SUGCT: variants seen among roughly 807,000 people sequenced by gnomAD.
SUGCT encodes the protein succinyl-CoA:glutarate-CoA transferase, also known as succinyl-CoA:glutarate CoA-transferase.
A neutral mutation model predicts 55.0 loss-of-function variants in SUGCT; 41 were observed. The observed-to-expected ratio is 0.74, with a 90% CI of 0.58 to 0.97. The LOEUF (loss-of-function observed/expected upper bound fraction) is 0.97, where lower values mean the gene tolerates loss of function less well. Ranked by LOEUF, SUGCT falls within the 50% of genes least tolerant of loss-of-function variation. The probability of loss-of-function intolerance (pLI) is 0.00; values close to 1 mark genes in which losing one functional copy is unlikely to be tolerated. For synonymous variants in SUGCT, 187 were observed against 200.4 expected, an observed-to-expected ratio of 0.93 and a Z score of 0.56; for missense variants, 568 against 547.8, an observed-to-expected ratio of 1.04 and a Z score of -0.37.
intron 13 of SUGCT, among the ~76,000 whole-genome samples, chr7:40,838,452 A>G (rs1793103136): frequency 6.6e-6 from 1 of 152,182 alleles, no homozygotes; most frequent in South Asian, 2.1e-4. Context: ...AGCATTTTGT[A>G]ATGTTCAGCA....
chr7:40,733,067 TCAAA>T (rs376841063), intron 12 of SUGCT, among the ~76,000 whole-genome samples: 11 of 152,038 alleles, frequency 7.2e-5, no homozygotes, highest in Admixed American at 1.3e-4. Context: ...AGACTTCATC[TCAAA>T]CAAACAAACA....
At chr7:40,350,547 T>C (rs1432735562) in intron 9 of SUGCT, among the ~76,000 whole-genome samples, 5 of 151,384 alleles carry the variant, frequency 3.3e-5, no homozygotes, top group Non-Finnish European at 5.9e-5. Context: ...GTCAGGCTGG[T>C]CTTGAACTCT....
intron 9 of SUGCT, among the ~76,000 whole-genome samples, chr7:40,319,161 T>C (rs561972195): frequency 9.0e-4 from 137 of 152,352 alleles, no homozygotes; most frequent in African/African-American, 3.2e-3. Context: ...TATACTTATT[T>C]GATTTTAGTT....
At chr7:40,147,353 G>A (rs972776504) in intron 1 of SUGCT, among the ~76,000 whole-genome samples, 2 of 152,072 alleles carry the variant, frequency 1.3e-5, no homozygotes, top group Non-Finnish European at 1.5e-5. Context: ...TCTTTCTGAG[G>A]TTCAACCCCC....
chr7:40,576,303 G>T (rs1796753211), intron 12 of SUGCT, among the ~76,000 whole-genome samples: 1 of 152,180 alleles, frequency 6.6e-6, no homozygotes, highest in African/African-American at 2.4e-5. Flanking sequence ...ATTACTATTT[G>T]TCTTCTCCCC....
chr7:40,441,475 A>G (rs1788511758), intron 9 of SUGCT, among the ~76,000 whole-genome samples: 1 of 152,214 alleles, frequency 6.6e-6, no homozygotes, highest in Non-Finnish European at 1.5e-5. Context: ...AACAAACTAA[A>G]AAAACCCCTC....
chr7:41,036,926 C>T, the SUGCT span, among the ~76,000 whole-genome samples: 1 of 152,186 alleles, frequency 6.6e-6, no homozygotes, highest in African/African-American at 2.4e-5. Context: ...CAATCAGGCA[C>T]AAACTTTGAG....
chr7:40,528,532 C>G (rs1793921920), intron 12 of SUGCT, among the ~76,000 whole-genome samples: 1 of 152,106 alleles, frequency 6.6e-6, no homozygotes, highest in African/African-American at 2.4e-5. Flanking sequence ...GAGAAAGACT[C>G]TATGATCTTC....
intron 12 of SUGCT, among the ~76,000 whole-genome samples, chr7:40,640,801 G>A (rs1277979779): frequency 6.6e-6 from 1 of 152,190 alleles, no homozygotes; most frequent in African/African-American, 2.4e-5. Context: ...TTTAACTGTT[G>A]TGGTTAGGTT....
chr7:40,328,325 G>A (rs1182554345), intron 9 of SUGCT, among the ~76,000 whole-genome samples: 3 of 152,194 alleles, frequency 2.0e-5, no homozygotes, highest in Admixed American at 2.0e-4. Context: ...GTATAGTGAA[G>A]CAACTCTACC....
intron 6 of SUGCT, among the ~76,000 whole-genome samples, chr7:40,229,301 C>T (rs1053357599): frequency 6.6e-6 from 1 of 151,888 alleles, no homozygotes; most frequent in Non-Finnish European, 1.5e-5. Flanking sequence ...GGTGGATCAC[C>T]TGAGGTCAGG....
In SUGCT at chr7:40,459,142, A is replaced by G. The variant is rs764188638; in HGVS notation, c.930A>G (p.Lys310=). The G allele has an allele frequency of 3.1e-6, 5 of 1,612,046 alleles. No individual in the cohort carries two copies. The highest frequency in any genetic ancestry group is 4.2e-6 in the Non-Finnish European group (5 of 1,178,944). The change falls in exon 11 of 14, where the codon AAA becomes AAG. Residue 310 remains lysine (K), a synonymous_variant. Coordinates refer to ENST00000335693, the MANE Select transcript of SUGCT (RefSeq NM_001193313.2). Reference sequence around the variant, plus strand: ...AGTTGATTGATAATTCCAAGTATAAAACTAACCACCTTCGGGTACACAATA... The same window carrying G: ...AGTTGATTGATAATTCCAAGTATAAGACTAACCACCTTCGGGTACACAATA... ...LPELIDNSKY[K]TNHLRVHNRK...
chr7:40,467,204 G>GAAAAAAAAAAAAAAAAAAAAAAAAAA (rs762283927), intron 11 of SUGCT, among the ~76,000 whole-genome samples: 4 of 83,614 alleles, frequency 4.8e-5, no homozygotes, highest in Non-Finnish European at 6.9e-5. Context: ...CTAAGAAAAA[G>GAAAAAAAAAAAAAAAAAAAAAAAAAA]AAAAAAAAAA....
At chr7:40,865,279 GA>G (rs1794560121), downstream of SUGCT, among the ~76,000 whole-genome samples, 1 of 151,958 alleles carries the variant, frequency 6.6e-6, no homozygotes, top group Non-Finnish European at 1.5e-5. Context: ...CCGACCTTCA[GA>G]AAAATAGGAC....
At chr7:40,251,092 C>G (rs7783081) in intron 7 of SUGCT, among the ~76,000 whole-genome samples, 151,307 of 152,192 alleles carry the variant, frequency 0.99, 75,214 homozygotes, top group East Asian at 1. Context: ...GCCTCCCAAA[C>G]TGCTGGGATT....
intron 9 of SUGCT, among the ~76,000 whole-genome samples, chr7:40,435,249 T>C (rs957127929): frequency 6.6e-6 from 1 of 152,196 alleles, no homozygotes; most frequent in African/African-American, 2.4e-5. Context: ...GTTCCAACTA[T>C]AGGACATACC....
chr7:40,632,941 TAAAAATA>T (rs1382858407), intron 12 of SUGCT, among the ~76,000 whole-genome samples: 2 of 152,160 alleles, frequency 1.3e-5, no homozygotes, highest in African/African-American at 4.8e-5. Flanking sequence ...TTTAGCTAAT[TAAAAATA>T]AAAGTCAAGC....
At chr7:40,321,224 C>T (rs148604163) in intron 9 of SUGCT, among the ~76,000 whole-genome samples, 273 of 150,314 alleles carry the variant, frequency 1.8e-3, no homozygotes, top group African/African-American at 6.2e-3. Context: ...TACAGGCAAA[C>T]GCCATCACGC....
At chr7:40,541,150 A>C (rs1442634104) in intron 12 of SUGCT, among the ~76,000 whole-genome samples, 1 of 152,198 alleles carries the variant, frequency 6.6e-6, no homozygotes, top group Non-Finnish European at 1.5e-5. Context: ...ATGGCCAAGA[A>C]AAATAGACCC....
Sources: allele counts gnomAD v4.1 joint callset (sites outside exome capture counted in the v4.1 genomes callset), GRCh38; gene constraint gnomAD v4.1.1; transcripts MANE v1.5; gene names NCBI Gene and HGNC (gene_info 2026-07-23, HGNC 2026-07-21).